CNTN5: variants seen among roughly 807,000 people sequenced by gnomAD.
The protein encoded by CNTN5 is contactin-5.
Under a neutral mutation model 129.1 loss-of-function variants are expected in CNTN5, and 77 were observed. The observed-to-expected ratio is 0.60, with a 90% CI of 0.50 to 0.72. The LOEUF (loss-of-function observed/expected upper bound fraction) is 0.72. Ranked by LOEUF, CNTN5 falls within the 30% of genes least tolerant of loss-of-function variation. The probability of loss-of-function intolerance (pLI) is 0.00; values close to 1 mark genes in which losing one functional copy is unlikely to be tolerated. For missense variants in CNTN5, 1,478 were observed against 1,328.8 expected, an observed-to-expected ratio of 1.11 and a Z score of -1.75; for synonymous variants, 509 against 465.6, an observed-to-expected ratio of 1.09 and a Z score of -1.20.
At chr11:99,977,449 A>T (rs1045825760) in intron 8 of CNTN5, among the ~76,000 whole-genome samples, 2 of 152,206 alleles carry the variant, frequency 1.3e-5, no homozygotes, top group Non-Finnish European at 2.9e-5. Context: ...TCACACCGCT[A>T]TGAAGAGCTA....
chr11:100,053,434 A>T (rs561813672), intron 9 of CNTN5, among the ~76,000 whole-genome samples: 2 of 151,862 alleles, frequency 1.3e-5, no homozygotes, highest in East Asian at 3.9e-4. Flanking sequence ...TGAACCAAAG[A>T]TTTGAGTATG....
At chr11:99,461,782 C>G (rs1237220265) in intron 2 of CNTN5, among the ~76,000 whole-genome samples, 2 of 151,990 alleles carry the variant, frequency 1.3e-5, no homozygotes, top group Non-Finnish European at 2.9e-5. Context: ...AGTGCTAACA[C>G]TTTCAAGAAT....
At chr11:99,720,750 A>C (rs551472043) in intron 3 of CNTN5, among the ~76,000 whole-genome samples, 1 of 152,138 alleles carries the variant, frequency 6.6e-6, no homozygotes, top group Non-Finnish European at 1.5e-5. Flanking sequence ...AGGAAAACCC[A>C]GTAGTCTTGG....
intron 2 of CNTN5, among the ~76,000 whole-genome samples, chr11:99,494,916 G>C (rs997302226): frequency 6.6e-6 from 1 of 152,112 alleles, no homozygotes; most frequent in Non-Finnish European, 1.5e-5. Context: ...AAAGACATCA[G>C]ATTCTTGCTC....
chr11:99,042,027 A>T (rs1864003228), intron 1 of CNTN5, among the ~76,000 whole-genome samples: 1 of 152,034 alleles, frequency 6.6e-6, no homozygotes, highest in Admixed American at 6.6e-5. Context: ...CGAGAATATC[A>T]TTTCTCTAGA....
Position 99,701,036 on chromosome 11 carries a change from A to C in CNTN5, c.56-118508A>C, listed in dbSNP as rs140503448. On this transcript the variant is annotated intron_variant, in intron 3 of 24. Coordinates refer to ENST00000524871, the MANE Select transcript of CNTN5 (RefSeq NM_014361.4). ...TGAGAATGAAGTGAAATATCTATTT[A>C]AGGACCATCTTATTTTCTTAAAATA... Among the ~76,000 whole-genome samples, 372 of 151,470 alleles carry C rather than the reference A, an allele frequency of 2.5e-3. 1 individual carries two copies. Among genetic ancestry groups the C allele is most frequent in the African/African-American group, 7.6e-3 (315 of 41,474 alleles).
intron 6 of CNTN5, among the ~76,000 whole-genome samples, chr11:99,877,621 A>T (rs1178854896): frequency 6.7e-6 from 1 of 148,622 alleles, no homozygotes; most frequent in African/African-American, 2.5e-5. Flanking sequence ...TAAAAAAAAA[A>T]TAAGGAAAGT....
chr11:100,245,387 C>T (rs1157017850), intron 16 of CNTN5, among the ~76,000 whole-genome samples: 1 of 152,062 alleles, frequency 6.6e-6, no homozygotes, highest in Non-Finnish European at 1.5e-5. Flanking sequence ...AAGTCTCTGT[C>T]ACAAGAAGAT....
chr11:99,828,323 G>C (rs1415937585), intron 4 of CNTN5, among the ~76,000 whole-genome samples: 1 of 152,134 alleles, frequency 6.6e-6, no homozygotes, highest in Non-Finnish European at 1.5e-5. Flanking sequence ...CACAGGCTGG[G>C]TAATTTAAAA....
intron 3 of CNTN5, among the ~76,000 whole-genome samples, chr11:99,738,971 C>T (rs1943803765): frequency 6.6e-6 from 1 of 152,030 alleles, no homozygotes; most frequent in African/African-American, 2.4e-5. Context: ...GGATAAGGGA[C>T]CAGATACCTT....
rs1358669763 is a variant in CNTN5 at position 99,079,632 on chromosome 11, A to T, written c.-210+58362A>T. Among the ~76,000 whole-genome samples, 3 of 152,226 alleles carry T rather than the reference A, an allele frequency of 2.0e-5. No individual in the cohort carries two copies. In the South Asian group the frequency reaches 6.2e-4, roughly 31 times the overall value. ...AAATTTTATGATGTATCCAGTGCCT[A>T]CCTTTCCAGCTAAATTTATGAGCCT... On this transcript the variant is annotated intron_variant, in intron 1 of 24. Coordinates refer to ENST00000524871, the MANE Select transcript of CNTN5 (RefSeq NM_014361.4).
At chr11:100,278,914 C>A (rs902321953) in intron 18 of CNTN5, among the ~76,000 whole-genome samples, 2 of 151,726 alleles carry the variant, frequency 1.3e-5, no homozygotes, top group Admixed American at 1.3e-4. Flanking sequence ...CAGTCTTTCC[C>A]CATTTAATAT....
At chr11:100,104,004 A>G (rs774805754) in intron 13 of CNTN5, among the ~76,000 whole-genome samples, 1 of 152,186 alleles carries the variant, frequency 6.6e-6, no homozygotes, top group African/African-American at 2.4e-5. Flanking sequence ...TTTGTCAAGT[A>G]GAATGGAAAT....
intron 3 of CNTN5, among the ~76,000 whole-genome samples, chr11:99,601,461 T>A (rs151009789): frequency 1.1e-3 from 168 of 152,292 alleles, no homozygotes; most frequent in African/African-American, 3.9e-3. Context: ...ATAGAAAAGA[T>A]CCTTAAATCA....
At chr11:99,923,770 T>C (rs977943340) in intron 7 of CNTN5, among the ~76,000 whole-genome samples, 1 of 148,886 alleles carries the variant, frequency 6.7e-6, no homozygotes, top group Non-Finnish European at 1.5e-5. Flanking sequence ...TATCTATCTA[T>C]CTATCTATCT....
chr11:99,706,840 CTT>C (rs11451959), intron 3 of CNTN5, among the ~76,000 whole-genome samples: 4,520 of 139,588 alleles, frequency 0.032, 153 homozygotes, highest in East Asian at 0.2. Context: ...TGTGTCTGGT[CTT>C]TTTTTTTTTT....
chr11:99,770,610 T>A (rs572303330), intron 3 of CNTN5, among the ~76,000 whole-genome samples: 1 of 152,192 alleles, frequency 6.6e-6, no homozygotes, highest in South Asian at 2.1e-4. Context: ...ATTTGTGTCT[T>A]TTTGAATTTC....
intron 3 of CNTN5, among the ~76,000 whole-genome samples, chr11:99,730,634 A>G (rs1943499088): frequency 6.6e-6 from 1 of 152,192 alleles, no homozygotes; most frequent in South Asian, 2.1e-4. Flanking sequence ...GTTTAATTAT[A>G]ATCTGTTCTT....
intron 3 of CNTN5, among the ~76,000 whole-genome samples, chr11:99,754,395 C>T (rs1008563690): frequency 2.0e-5 from 3 of 152,170 alleles, no homozygotes; most frequent in Non-Finnish European, 4.4e-5. Context: ...CTCTCCTTCA[C>T]CCTTACATTC....
Sources: allele counts gnomAD v4.1 joint callset (sites outside exome capture counted in the v4.1 genomes callset), GRCh38; gene constraint gnomAD v4.1.1; transcripts MANE v1.5; gene names NCBI Gene and HGNC (gene_info 2026-07-23, HGNC 2026-07-21).